INPP4B: variants seen among roughly 807,000 people sequenced by gnomAD.
INPP4B encodes inositol polyphosphate-4-phosphatase type II B.
A neutral mutation model predicts 122.5 loss-of-function variants in INPP4B; 55 were observed. The observed-to-expected ratio is 0.45, with a 90% CI of 0.36 to 0.56. INPP4B has a LOEUF of 0.56. Ranked by LOEUF, INPP4B falls within the 20% of genes least tolerant of loss-of-function variation. The pLI, the probability that INPP4B is intolerant of heterozygous loss-of-function variation, is 0.00. For missense variants in INPP4B, 1,000 were observed against 1,097.7 expected (o/e 0.91, Z 1.26); for synonymous variants, 403 against 388.7 (o/e 1.04, Z -0.43).
At chr4:142,732,387 GA>G (rs1202610732) in intron 1 of INPP4B, among the ~76,000 whole-genome samples, 2 of 151,720 alleles carry the variant, frequency 1.3e-5, no homozygotes, top group Non-Finnish European at 2.9e-5. Context: ...AAATATCAAT[GA>G]AAATAATTTT....
At chr4:142,807,228 T>C (rs1372982039) in intron 1 of INPP4B, among the ~76,000 whole-genome samples, 2 of 152,002 alleles carry the variant, frequency 1.3e-5, no homozygotes, top group African/African-American at 4.8e-5. Flanking sequence ...GATATATATA[T>C]AAGTAGAAAG....
intron 7 of INPP4B, among the ~76,000 whole-genome samples, chr4:142,367,803 T>C (rs1788135849): frequency 6.6e-6 from 1 of 152,192 alleles, no homozygotes; most frequent in South Asian, 2.1e-4. Context: ...TGCAATTGTA[T>C]GCAGTTTATT....
intron 2 of INPP4B, among the ~76,000 whole-genome samples, chr4:142,717,569 G>T (rs1403618057): frequency 6.6e-6 from 1 of 152,120 alleles, no homozygotes; most frequent in Non-Finnish European, 1.5e-5. Flanking sequence ...CATAAAAAAG[G>T]ATTAGTTCTT....
At chr4:142,834,632 T>A (rs1782560612) in intron 1 of INPP4B, among the ~76,000 whole-genome samples, 1 of 152,240 alleles carries the variant, frequency 6.6e-6, no homozygotes, top group Admixed American at 6.5e-5. Flanking sequence ...TAGACCAATG[T>A]GTTGGAAACA....
At chr4:142,435,838 C>A (rs1810353819) in intron 3 of INPP4B, among the ~76,000 whole-genome samples, 1 of 152,112 alleles carries the variant, frequency 6.6e-6, no homozygotes, top group South Asian at 2.1e-4. Flanking sequence ...ACCACAGAGC[C>A]ATGCAGATTC....
chr4:142,570,015 C>T lies in INPP4B; in HGVS notation c.-190-107289G>A, dbSNP rs114355568. Among the ~76,000 whole-genome samples, 1,182 of 152,032 alleles carry T rather than the reference C, an allele frequency of 7.8e-3. 23 individuals carry two copies. The highest frequency in any genetic ancestry group is 0.027 in the African/African-American group (1,116 of 41,462). ...GCTAGGTGCAAGAATCAACAAGAAC[C>T]CCTCTTCCAAAAATGCAGGAAGTAG... On this transcript the variant is annotated intron_variant, in intron 2 of 25. Transcript: ENST00000262992.
At chr4:142,653,336 C>T (rs1284811971) in intron 2 of INPP4B, among the ~76,000 whole-genome samples, 1 of 152,148 alleles carries the variant, frequency 6.6e-6, no homozygotes, top group Admixed American at 6.5e-5. Context: ...GACTAAGACA[C>T]CAAAAGCAAT....
intron 23 of INPP4B, among the ~76,000 whole-genome samples, chr4:142,105,972 C>A (rs998792484): frequency 1.3e-5 from 2 of 152,214 alleles, no homozygotes; most frequent in East Asian, 3.9e-4. Context: ...CATTCTTTGG[C>A]TTGCAATATG....
intron 3 of INPP4B, among the ~76,000 whole-genome samples, chr4:142,450,643 T>C (rs1813943466): frequency 6.6e-6 from 1 of 152,218 alleles, no homozygotes; most frequent in African/African-American, 2.4e-5. Flanking sequence ...CCATGCTCTA[T>C]GTTATCATTC....
At chr4:142,142,587 A>C (rs1808439027) in intron 18 of INPP4B, among the ~76,000 whole-genome samples, 1 of 152,110 alleles carries the variant, frequency 6.6e-6, no homozygotes, top group African/African-American at 2.4e-5. Flanking sequence ...TGAGTAAAAC[A>C]AGTAAGAAAA....
intron 2 of INPP4B, among the ~76,000 whole-genome samples, chr4:142,563,482 C>G (rs185413514): frequency 3.3e-5 from 5 of 152,254 alleles, no homozygotes; most frequent in Admixed American, 2.6e-4. Context: ...TGAGGCCTAT[C>G]TATAAGGCAA....
At chr4:142,476,184 T>A (rs1211311607) in intron 2 of INPP4B, among the ~76,000 whole-genome samples, 2 of 152,148 alleles carry the variant, frequency 1.3e-5, no homozygotes, top group Non-Finnish European at 2.9e-5. Flanking sequence ...TGGAGGACAA[T>A]AGTCAGCATT....
At position 142,025,131 on chromosome 4, in the gene INPP4B, A is replaced by G. The variant is rs561404252; in HGVS notation, c.*3651T>C. On this transcript the variant is annotated 3_prime_UTR_variant, in exon 26 of 26. Coordinates refer to ENST00000262992, the MANE Select transcript of INPP4B (RefSeq NM_001101669.3). ...ATTGTGTGCTGGTAAATGCTCAACA[A>G]TTGCCTTTCCAGGAATTAAAATTGC... 5.3e-5 allele frequency: 8 copies of G among 152,144 alleles called. No homozygotes were observed. The South Asian group carries it at 1.5e-3, about 28-fold the overall frequency. 9.4% of individuals were successfully genotyped at this position (152,144 alleles called of 1,614,324 possible). A position where few individuals can be genotyped will look rare whatever the true frequency, so the allele number is the denominator to read the frequency against.
chr4:142,579,583 T>C (rs1015776091), intron 2 of INPP4B, among the ~76,000 whole-genome samples: 9 of 151,876 alleles, frequency 5.9e-5, no homozygotes, highest in African/African-American at 1.9e-4. Flanking sequence ...GTTGAGGAAG[T>C]GAATAGAATA....
chr4:142,368,822 A>G (rs939510808), intron 7 of INPP4B, among the ~76,000 whole-genome samples: 11 of 152,172 alleles, frequency 7.2e-5, no homozygotes, highest in African/African-American at 1.9e-4. Context: ...AAACAGACAC[A>G]TGATAGGATG....
intron 21 of INPP4B, among the ~76,000 whole-genome samples, chr4:142,116,067 G>A (rs1489441540): frequency 6.6e-6 from 1 of 152,152 alleles, no homozygotes; most frequent in Non-Finnish European, 1.5e-5. Context: ...GACAAAGAAA[G>A]CCATTACATA....
At chr4:142,257,818 C>T (rs1357199723) in intron 11 of INPP4B, among the ~76,000 whole-genome samples, 1 of 151,510 alleles carries the variant, frequency 6.6e-6, no homozygotes, top group African/African-American at 2.4e-5. Flanking sequence ...CATCAAGCTA[C>T]AAATGACTTT....
intron 7 of INPP4B, among the ~76,000 whole-genome samples, chr4:142,362,997 A>C (rs1366094171): frequency 2.0e-5 from 3 of 152,044 alleles, no homozygotes; most frequent in Non-Finnish European, 4.4e-5. Flanking sequence ...CATTTAAAAT[A>C]ACAGCAACAA....
At chr4:142,051,394 C>A (rs573308988) in intron 25 of INPP4B, among the ~76,000 whole-genome samples, 71 of 151,904 alleles carry the variant, frequency 4.7e-4, no homozygotes, top group Middle Eastern at 3.4e-3. Context: ...AAGTTAAGTT[C>A]TTTTATGGTA....
Sources: allele counts gnomAD v4.1 joint callset (sites outside exome capture counted in the v4.1 genomes callset), GRCh38; gene constraint gnomAD v4.1.1; transcripts MANE v1.5; gene names NCBI Gene and HGNC (gene_info 2026-07-23, HGNC 2026-07-21).